Variants in COQ10B observed in about 807,000 individuals in gnomAD.
COQ10B encodes the protein coenzyme Q10B, also known as coenzyme Q-binding protein COQ10 homolog B, mitochondrial.
Under a neutral mutation model 27.6 loss-of-function variants are expected in COQ10B, and 12 were observed. That is an observed-to-expected ratio of 0.43 (90% confidence interval 0.28 to 0.70). The LOEUF (loss-of-function observed/expected upper bound fraction) is 0.70, where lower values mean the gene tolerates loss of function less well. Among genes scored for constraint, COQ10B ranks in the 30% least tolerant of loss-of-function variants. The pLI is 0.17. For missense variants in COQ10B, 278 were observed against 288.7 expected (o/e 0.96, Z 0.27); for synonymous variants, 115 against 103.0 (o/e 1.12, Z -0.71).
Position 197,473,948 on chromosome 2 carries a change from C to T in COQ10B, c.*24C>T. The T allele has an allele frequency of 6.9e-7, 1 of 1,447,978 alleles. No individual in the cohort carries two copies. The allele number at this position is 1,447,978 out of a possible 1,614,324, so 89.7% of individuals were successfully genotyped here. On this transcript the variant is annotated 3_prime_UTR_variant, in exon 5 of 5. Coordinates refer to ENST00000263960, the MANE Select transcript of COQ10B (RefSeq NM_025147.5). ...AAAGGCAAAAAAGAACTGGTGCCAC[C>T]TGCTTCTGACTTTAGTTTGTTCACT...
At chr2:197,463,411 C>T (rs1358067243) in intron 3 of COQ10B, among the ~76,000 whole-genome samples, 1 of 151,176 alleles carries the variant, frequency 6.6e-6, no homozygotes, top group African/African-American at 2.4e-5. Flanking sequence ...GCAGAGGTTG[C>T]AGTGTGCCGA....
chr2:197,459,944 C>T lies in COQ10B; in HGVS notation c.117C>T (p.Ser39=). ...TTTGTCTTTTCAGATATTTAGCTTC[C>T]TGTGGTATACTGATGAGCAGAACTC... ...APVRNGRYLA[S]CGILMSRTLP... Residue 39 remains serine, a synonymous_variant, in exon 2 of 5, where the codon TCC becomes TCT. Coordinates refer to ENST00000263960, the MANE Select transcript of COQ10B (RefSeq NM_025147.5). 2 of 1,590,642 alleles carry T rather than the reference C, an allele frequency of 1.3e-6. No homozygotes were observed. The highest frequency in any genetic ancestry group is 1.7e-6 in the Non-Finnish European group (2 of 1,171,514).
intron 1 of COQ10B, chr2:197,453,992 T>C: frequency 6.4e-7 from 1 of 1,550,968 alleles, no homozygotes; most frequent in South Asian, 1.2e-5. Context: ...GTTGGAAAGT[T>C]TTAACTTTGC....
Position 197,453,576 on chromosome 2 carries a change from G to A in COQ10B, c.16G>A (p.Gly6Ser). 6.8e-6 allele frequency: 11 copies of A among 1,613,934 alleles called. No homozygotes were observed. The highest frequency in any genetic ancestry group is 1.3e-5 in the African/African-American group (1 of 75,048). Residue 6 changes from glycine (G) to serine (S), a missense_variant, in exon 1 of 5, where the codon GGT becomes AGT. Around this residue, in one of 3 missense-constraint regions of COQ10B, gnomAD observed 183 missense variants for 158.2 expected, o/e 1.16. Transcript: ENST00000263960. MAARTGHTALRRVVSG... is the reference protein window; with the variant it reads MAARTSHTALRRVVSG... Reference sequence around the variant, plus strand: ...AGAGTCTATCATGGCAGCTCGGACTGGTCATACGGCCTTGAGAAGGGTAGT... The same window carrying A: ...AGAGTCTATCATGGCAGCTCGGACTAGTCATACGGCCTTGAGAAGGGTAGT...
intron 2 of COQ10B, among the ~76,000 whole-genome samples, chr2:197,461,379 C>T (rs1208849215): frequency 6.6e-6 from 1 of 152,080 alleles, no homozygotes; most frequent in Non-Finnish European, 1.5e-5. Context: ...CTGGCAACAG[C>T]TAATTGTGAC....
chr2:197,473,674 A>T (rs2085916896), intron 4 of COQ10B, 83 bp from the exon 5 acceptor site: 1 of 1,005,894 alleles, frequency 9.9e-7, no homozygotes, highest in African/African-American at 1.7e-5. Context: ...CAACAAAGCG[A>T]GAGTCCCTCT....
At chr2:197,468,693 G>A (rs879862218) in intron 3 of COQ10B, among the ~76,000 whole-genome samples, 13 of 148,460 alleles carry the variant, frequency 8.8e-5, no homozygotes, top group Admixed American at 6.7e-4. Flanking sequence ...GGTGGTTCAC[G>A]CCTGCTGTAA....
intron 3 of COQ10B, among the ~76,000 whole-genome samples, chr2:197,469,184 A>G (rs2106056698): frequency 6.6e-6 from 1 of 152,224 alleles, no homozygotes. Flanking sequence ...ACTGGCATGC[A>G]TCACTAAACC....
intron 4 of COQ10B, among the ~76,000 whole-genome samples, chr2:197,472,862 G>C (rs1220835681): frequency 1.3e-5 from 2 of 151,484 alleles, no homozygotes; most frequent in East Asian, 1.9e-4. Flanking sequence ...TGTGGGTTAG[G>C]CACACATGTG....
chr2:197,473,960 T>G lies in COQ10B; in HGVS notation c.*36T>G, dbSNP rs2085921437. 7.0e-7 allele frequency: 1 copy of G among 1,432,922 alleles called. No individual in the cohort carries two copies. Among genetic ancestry groups the G allele is most frequent in the Non-Finnish European group, 9.3e-7 (1 of 1,078,916 alleles). 88.8% of individuals were successfully genotyped at this position (1,432,922 alleles called of 1,614,324 possible). ...GAACTGGTGCCACCTGCTTCTGACT[T>G]TAGTTTGTTCACTTTTAGGAAGTAT... is the stretch of plus-strand genomic sequence containing the variant. On this transcript the variant is annotated 3_prime_UTR_variant, in exon 5 of 5. Transcript: ENST00000263960.
intron 1 of COQ10B, 184 bp downstream of exon 1, chr2:197,453,848 C>T: frequency 8.4e-7 from 1 of 1,185,238 alleles, no homozygotes; most frequent in South Asian, 1.5e-5. Context: ...TCACCTTGGG[C>T]CCAAGGCTGT....
At chr2:197,470,006 T>C in intron 3 of COQ10B, 64 bp from the exon 4 acceptor site, 2 of 960,856 alleles carry the variant, frequency 2.1e-6, no homozygotes, top group Non-Finnish European at 3.3e-6. Context: ...TCATAGTAGA[T>C]TCTTAGATTA....
Position 197,473,989 on chromosome 2 carries a change from C to A in COQ10B, c.*65C>A. ...TTTGTTCACTTTTAGGAAGTATTTT[C>A]ATGACATGTTTTCAGAAGCCAGAAA... On this transcript the variant is annotated 3_prime_UTR_variant, in exon 5 of 5. Coordinates refer to ENST00000263960, the MANE Select transcript of COQ10B (RefSeq NM_025147.5). The A allele has an allele frequency of 7.7e-7, 1 of 1,293,424 alleles. No homozygotes were observed. Among genetic ancestry groups the A allele is most frequent in the Non-Finnish European group, 1.0e-6 (1 of 978,376 alleles). The allele number at this position is 1,293,424 out of a possible 1,614,324, so 80.1% of individuals were successfully genotyped here.
chr2:197,463,301 G>A (rs1037673383), intron 3 of COQ10B, among the ~76,000 whole-genome samples: 95 of 150,324 alleles, frequency 6.3e-4, no homozygotes, highest in African/African-American at 2.1e-3. Context: ...GTGAAACCCC[G>A]TCTCTACTAA....
chr2:197,460,164 A>T, intron 2 of COQ10B, 83 bp downstream of exon 2: 6 of 881,642 alleles, frequency 6.8e-6, no homozygotes, highest in Non-Finnish European at 8.3e-6. Flanking sequence ...TTCTCTCTGG[A>T]TTATCTTCTT....
chr2:197,470,109 A>T lies in COQ10B; in HGVS notation c.487A>T (p.Thr163Ser), dbSNP rs147189280. 129 of 1,613,332 alleles carry T rather than the reference A, an allele frequency of 8.0e-5. No individual in the cohort carries two copies. The highest frequency in any genetic ancestry group is 9.7e-5 in the Non-Finnish European group (115 of 1,179,626). Reference protein sequence around the residue: ...TDGRLFNHLETIWRFSPGLPG... With the variant: ...TDGRLFNHLESIWRFSPGLPG... ...TGGGAGACTTTTCAATCATTTGGAGACTATTTGGCGTTTTAGCCCAGGTCT... is the reference window on the plus strand; with the variant it reads ...TGGGAGACTTTTCAATCATTTGGAGTCTATTTGGCGTTTTAGCCCAGGTCT... Residue 163 changes from threonine (T) to serine (S), a missense_variant, in exon 4 of 5, where the codon ACT becomes TCT. Transcript: ENST00000263960.
At chr2:197,473,415 A>AAAATATATATAT (rs1229206676) in intron 4 of COQ10B, among the ~76,000 whole-genome samples, 26 of 59,508 alleles carry the variant, frequency 4.4e-4, no homozygotes, top group Non-Finnish European at 2.6e-4. Flanking sequence ...AAAAAAAAAA[A>AAAATATATATAT]ATATATATAT....
chr2:197,456,625 C>T (rs1276147013), intron 1 of COQ10B, among the ~76,000 whole-genome samples: 3 of 140,614 alleles, frequency 2.1e-5, no homozygotes, highest in South Asian at 4.6e-4. Context: ...ATTAGCAGGG[C>T]GTGGTGGCGG....
intron 3 of COQ10B, among the ~76,000 whole-genome samples, chr2:197,465,843 T>G (rs1369801474): frequency 6.6e-6 from 1 of 152,082 alleles, no homozygotes; most frequent in Admixed American, 6.6e-5. Context: ...CCCAGCACTT[T>G]GGGAGGCTGA....
Sources: allele counts gnomAD v4.1 joint callset (sites outside exome capture counted in the v4.1 genomes callset), GRCh38; gene constraint gnomAD v4.1.1; regional missense constraint gnomAD v4.1.1; transcripts MANE v1.5; gene names NCBI Gene and HGNC (gene_info 2026-07-23, HGNC 2026-07-21).